FHL2: variants seen among roughly 807,000 people sequenced by gnomAD.
The protein encoded by FHL2 is four and a half LIM domains protein 2.
In FHL2, 20 loss-of-function variants were observed where a neutral mutation model predicts 32.7. The ratio of observed to expected loss-of-function variants is 0.61; its 90% CI spans 0.43 to 0.89. The LOEUF is 0.89. Ranked by LOEUF, FHL2 falls within the 40% of genes least tolerant of loss-of-function variation. FHL2 has a pLI of 0.00. For synonymous variants in FHL2, 123 were observed against 128.1 expected (o/e 0.96, Z 0.27); for missense variants, 311 against 358.6 (o/e 0.87, Z 1.07).
At chr2:105,373,847 G>T in intron 3 of FHL2, 114 bp from the exon 4 acceptor site, 1 of 849,494 alleles carries the variant, frequency 1.2e-6, no homozygotes, top group Non-Finnish European at 1.9e-6. Flanking sequence ...TTGGGCCGAG[G>T]CACCCTGGCG....
At chr2:105,400,756 G>A (rs1683438063), upstream of FHL2, among the ~76,000 whole-genome samples, 1 of 138,908 alleles carries the variant, frequency 7.2e-6, no homozygotes, top group Admixed American at 7.4e-5. Flanking sequence ...TACTGATAGA[G>A]TTATTTAGTT....
At chr2:105,384,490 C>T (rs1473168832) in intron 3 of FHL2, among the ~76,000 whole-genome samples, 1 of 152,112 alleles carries the variant, frequency 6.6e-6, no homozygotes, top group Non-Finnish European at 1.5e-5. Context: ...ATGAAGCAGA[C>T]CCCTGGTTCT....
In FHL2 at chr2:105,367,634, T is replaced by C. The variant is rs1448243675; in HGVS notation, c.437A>G (p.Asn146Ser). 1.9e-6 allele frequency: 3 copies of C among 1,614,098 alleles called. No homozygotes were observed. Among genetic ancestry groups the C allele is most frequent in the East Asian group, 2.2e-5 (1 of 44,890 alleles). The change falls in exon 5 of 7, where the codon AAT becomes AGT. Residue 146 changes from asparagine to serine, a missense_variant. Coordinates refer to ENST00000530340, the MANE Select transcript of FHL2 (RefSeq NM_001318895.3). ...IGTKSFIPKD[N>S]QNFCVPCYEK... ...ATAGCAGGGCACACAGAAATTCTGA[T>C]TGTCTTTGGGGATGAAACTCTTGGT... is the stretch of plus-strand genomic sequence containing the variant.
chr2:105,363,473 T>C lies in FHL2; in HGVS notation c.502-2A>G. On this transcript the variant is annotated splice_acceptor_variant, in intron 5 of 6. Transcript: ENST00000530340. LOFTEE classifies it high-confidence loss of function. ...AGTGACCCCTCCCGTGGTGATGGGC[T>C]GCAGGGACGAGGGGGAGAGTTAGTG... 6.2e-7 allele frequency: 1 copy of C among 1,603,838 alleles called. No individual in the cohort carries two copies. The highest frequency in any genetic ancestry group is 8.5e-7 in the Non-Finnish European group (1 of 1,175,040).
At chr2:105,398,758 T>C in intron 1 of FHL2, 84 bp downstream of exon 1, 1 of 1,077,642 alleles carries the variant, frequency 9.3e-7, no homozygotes, top group Non-Finnish European at 1.2e-6. Context: ...ACAGCTCAAC[T>C]CCTTTCTCCC....
chr2:105,399,272 C>T (rs927011420), upstream of FHL2: 44 of 1,535,676 alleles, frequency 2.9e-5, no homozygotes, highest in Non-Finnish European at 3.8e-5. Flanking sequence ...CTTGGGAGCA[C>T]AGTAGTTATC....
chr2:105,413,647 T>A (rs1683857496), intron 1 of FHL2, among the ~76,000 whole-genome samples: 1 of 152,144 alleles, frequency 6.6e-6, no homozygotes, highest in South Asian at 2.1e-4. Flanking sequence ...AATCTTTTTT[T>A]AATTTTTGTT....
At chr2:105,415,790 T>C (rs969695956) in intron 1 of FHL2, among the ~76,000 whole-genome samples, 7 of 152,246 alleles carry the variant, frequency 4.6e-5, no homozygotes, top group African/African-American at 1.4e-4. Context: ...AGTTATTTCT[T>C]TGTGGCCCTA....
intron 2 of FHL2, 147 bp from the exon 3 acceptor site, chr2:105,386,687 C>A: frequency 1.6e-6 from 1 of 635,896 alleles, no homozygotes; most frequent in South Asian, 2.4e-5. Context: ...ACCCTTTAAT[C>A]GGTCATAATT....
intron 3 of FHL2, chr2:105,385,927 T>G: frequency 3.7e-6 from 1 of 268,780 alleles, no homozygotes. Flanking sequence ...TATGTGCCCA[T>G]TTATCCAGGA....
At chr2:105,415,125 G>A (rs533559423) in intron 1 of FHL2, among the ~76,000 whole-genome samples, 1 of 152,344 alleles carries the variant, frequency 6.6e-6, no homozygotes, top group East Asian at 1.9e-4. Flanking sequence ...AATGTTTATA[G>A]GTAGGGGCAG....
chr2:105,394,730 A>C (rs1683005333), intron 2 of FHL2, among the ~76,000 whole-genome samples: 1 of 152,246 alleles, frequency 6.6e-6, no homozygotes, highest in Admixed American at 6.5e-5. Flanking sequence ...TATGCTTACC[A>C]CTGTATAATA....
intron 4 of FHL2, among the ~76,000 whole-genome samples, chr2:105,368,673 C>G (rs1680808321): frequency 6.6e-6 from 1 of 152,238 alleles, no homozygotes; most frequent in African/African-American, 2.4e-5. Flanking sequence ...GCTGGACTCA[C>G]TGCAAGTGCT....
Position 105,386,483 on chromosome 2 carries a change from C to T in FHL2, c.34G>A (p.Glu12Lys), listed in dbSNP as rs777214115. 1.9e-6 allele frequency: 3 copies of T among 1,614,196 alleles called. No homozygotes were observed. The highest frequency in any genetic ancestry group is 1.1e-5 in the South Asian group (1 of 91,086). ...ATGTACTTCTTGCCAAAGAGAGATT[C>T]GTTGCAATGGTGGCAGTCAAAGCGC... ...TERFDCHHCN[E>K]SLFGKKYILR... Residue 12 changes from glutamate to lysine, a missense_variant, in exon 3 of 7, where the codon GAA becomes AAA. Transcript: ENST00000530340.
intron 1 of FHL2, among the ~76,000 whole-genome samples, chr2:105,427,218 G>GA (rs1270903854): frequency 6.6e-6 from 1 of 152,136 alleles, no homozygotes; most frequent in Non-Finnish European, 1.5e-5. Flanking sequence ...TTTAATGCTA[G>GA]AAAAATATAC....
intron 2 of FHL2, among the ~76,000 whole-genome samples, chr2:105,387,381 T>C (rs1333836067): frequency 6.6e-6 from 1 of 152,180 alleles, no homozygotes; most frequent in Non-Finnish European, 1.5e-5. Flanking sequence ...CTAATACCCT[T>C]GACCTGGGAG....
chr2:105,409,187 G>A (rs1393828428), intron 1 of FHL2, among the ~76,000 whole-genome samples: 1 of 152,248 alleles, frequency 6.6e-6, no homozygotes, highest in South Asian at 2.1e-4. Flanking sequence ...AAATGGGCAA[G>A]TGAGGGAAAG....
intron 1 of FHL2, among the ~76,000 whole-genome samples, chr2:105,423,845 C>T (rs1684178889): frequency 6.6e-6 from 1 of 152,118 alleles, no homozygotes; most frequent in African/African-American, 2.4e-5. Flanking sequence ...GAAACTGGAT[C>T]CCTTCCTTAC....
chr2:105,366,435 C>T (rs1022430960), intron 5 of FHL2, among the ~76,000 whole-genome samples: 3 of 152,146 alleles, frequency 2.0e-5, no homozygotes, highest in Non-Finnish European at 4.4e-5. Context: ...AGGAGGAGAG[C>T]GAACAGAACC....
Sources: allele counts gnomAD v4.1 joint callset (sites outside exome capture counted in the v4.1 genomes callset), GRCh38; gene constraint gnomAD v4.1.1; transcripts MANE v1.5; gene names NCBI Gene and HGNC (gene_info 2026-07-23, HGNC 2026-07-21).